ANK3: variants seen among roughly 807,000 people sequenced by gnomAD.
ANK3 encodes ankyrin 3.
ANK3 carries 57 observed loss-of-function variants against 370.9 expected under a neutral mutation model. The observed-to-expected ratio is 0.15, with a 90% CI of 0.12 to 0.19. The LOEUF is 0.19. ANK3 is among the 10% of genes least tolerant of loss of function. ANK3 has a pLI of 1.00. For missense variants in ANK3, 4,439 were observed against 5,302.1 expected, an observed-to-expected ratio of 0.84 and a Z score of 5.06; for synonymous variants, 1,929 against 1,946.3, an observed-to-expected ratio of 0.99 and a Z score of 0.23.
At chr10:60,475,603 A>G (rs2075042232) in intron 2 of ANK3, among the ~76,000 whole-genome samples, 1 of 152,254 alleles carries the variant, frequency 6.6e-6, no homozygotes, top group Non-Finnish European at 1.5e-5. Flanking sequence ...AAAGCCAAAT[A>G]GTTTAATTTT....
chr10:60,171,473 C>G (rs887575024), intron 21 of ANK3, among the ~76,000 whole-genome samples: 1 of 151,948 alleles, frequency 6.6e-6, no homozygotes, highest in Admixed American at 6.6e-5. Context: ...GGAAGGTGGT[C>G]GAAGAGAAAA....
intron 11 of ANK3, among the ~76,000 whole-genome samples, chr10:60,203,822 T>G (rs560594460): frequency 2.6e-5 from 4 of 152,344 alleles, no homozygotes; most frequent in Admixed American, 2.6e-4. Flanking sequence ...ATATTGAATA[T>G]GTCCATGATT....
At chr10:60,620,665 T>C (rs2078323862) in intron 1 of ANK3, among the ~76,000 whole-genome samples, 1 of 152,202 alleles carries the variant, frequency 6.6e-6, no homozygotes, top group South Asian at 2.1e-4. Context: ...AATCAAAGTG[T>C]GACATCTTGA....
intron 2 of ANK3, among the ~76,000 whole-genome samples, chr10:60,608,962 C>T (rs1463447152): frequency 6.6e-6 from 1 of 152,114 alleles, no homozygotes; most frequent in Non-Finnish European, 1.5e-5. Flanking sequence ...TATACTTTAA[C>T]ATTTTTTTAA....
At chr10:60,232,139 T>C (rs891874601) in intron 8 of ANK3, among the ~76,000 whole-genome samples, 3 of 152,154 alleles carry the variant, frequency 2.0e-5, no homozygotes, top group African/African-American at 4.8e-5. Flanking sequence ...TCTCCTCCCA[T>C]TGAACGAAAT....
chr10:60,089,927 G>C (rs189365977), intron 28 of ANK3, among the ~76,000 whole-genome samples: 4 of 151,948 alleles, frequency 2.6e-5, no homozygotes, highest in Admixed American at 2.0e-4. Context: ...TTAAAAGATG[G>C]TATTTACATA....
chr10:60,221,575 C>T (rs1411897133), intron 8 of ANK3, among the ~76,000 whole-genome samples: 1 of 152,028 alleles, frequency 6.6e-6, no homozygotes, highest in Non-Finnish European at 1.5e-5. Context: ...TGAAGCAAAT[C>T]CAAGACATCA....
At chr10:60,467,483 GA>G (rs2065037433) in intron 2 of ANK3, among the ~76,000 whole-genome samples, 1 of 152,132 alleles carries the variant, frequency 6.6e-6, no homozygotes, top group African/African-American at 2.4e-5. Flanking sequence ...ATTCTTTACA[GA>G]AGGTTTTTGA....
chr10:60,180,594 C>CAATAAAAAA (rs2096135580), intron 18 of ANK3, among the ~76,000 whole-genome samples: 1 of 63,414 alleles, frequency 1.6e-5, no homozygotes, highest in Non-Finnish European at 2.7e-5. Flanking sequence ...GACTCCGTCT[C>CAATAAAAAA]AAAAAAAAAA....
chr10:60,194,467 T>A (rs1490595351), intron 16 of ANK3, among the ~76,000 whole-genome samples: 1 of 152,260 alleles, frequency 6.6e-6, no homozygotes, highest in Non-Finnish European at 1.5e-5. Context: ...TCTATAAATT[T>A]GACTACTCTA....
At chr10:60,661,433 T>G (rs16915297) in intron 1 of ANK3, among the ~76,000 whole-genome samples, 7,917 of 152,176 alleles carry the variant, frequency 0.052, 279 homozygotes, top group African/African-American at 0.085. Context: ...ATTCATAAAA[T>G]GCACCATGCC....
chr10:60,110,279 T>C (rs2092603732), intron 26 of ANK3, among the ~76,000 whole-genome samples: 1 of 152,146 alleles, frequency 6.6e-6, no homozygotes, highest in South Asian at 2.1e-4. Flanking sequence ...TCAAGCAAAC[T>C]GGCCTGTGAT....
chr10:60,084,881 A>C, intron 31 of ANK3, 51 bp from the exon 32 acceptor site: 1 of 1,328,238 alleles, frequency 7.5e-7, no homozygotes, highest in Non-Finnish European at 1.0e-6. Context: ...TTAAAAGCCA[A>C]ATCTTAAAAA....
chr10:60,688,535 C>G (rs2079301872), intron 1 of ANK3, among the ~76,000 whole-genome samples: 2 of 152,144 alleles, frequency 1.3e-5, no homozygotes, highest in South Asian at 2.1e-4. Context: ...ATTGATATAG[C>G]TAGATTTTAT....
At chr10:60,718,986 G>A (rs1478102105) in intron 1 of ANK3, among the ~76,000 whole-genome samples, 1 of 152,056 alleles carries the variant, frequency 6.6e-6, no homozygotes, top group Non-Finnish European at 1.5e-5. Flanking sequence ...CTATACAGCA[G>A]AAAGAAAAGC....
At chr10:60,324,979 C>G (rs1398869525) in intron 1 of ANK3, among the ~76,000 whole-genome samples, 3 of 152,160 alleles carry the variant, frequency 2.0e-5, no homozygotes, top group Non-Finnish European at 4.4e-5. Context: ...CTAGGCTGCT[C>G]CCTAAAATTA....
chr10:60,167,022 T>C (rs2095642819), intron 21 of ANK3, 126 bp from the exon 22 acceptor site: 1 of 784,564 alleles, frequency 1.3e-6, no homozygotes, highest in Non-Finnish European at 2.1e-6. Context: ...ATCTCCCACA[T>C]ATAAAATAAC....
chr10:60,637,728 T>A (rs186582561), intron 1 of ANK3, among the ~76,000 whole-genome samples: 1 of 152,328 alleles, frequency 6.6e-6, no homozygotes, highest in African/African-American at 2.4e-5. Context: ...AAAAATACTA[T>A]AATGTTAAGC....
At chr10:60,067,901 C>A in intron 38 of ANK3, 34 bp downstream of exon 38, 1 of 1,519,048 alleles carries the variant, frequency 6.6e-7, no homozygotes. Context: ...AATGAAGAAA[C>A]TAATTTGTTC....
Sources: gnomAD v4.1 joint callset for allele counts (sites outside exome capture counted in the v4.1 genomes callset) on GRCh38, gnomAD v4.1.1 for gene constraint, MANE v1.5 for transcripts, NCBI Gene and HGNC (gene_info 2026-07-23, HGNC 2026-07-21) for gene names.